The following TRAPPC9 variants were observed in gnomAD, a reference collection of about 807,000 sequenced individuals.
The protein encoded by TRAPPC9 is trafficking protein particle complex subunit 9, also known as IKK2 binding protein.
Under a neutral mutation model 124.0 loss-of-function variants are expected in TRAPPC9, and 83 were observed. The ratio of observed to expected loss-of-function variants is 0.67; its 90% CI spans 0.56 to 0.80. TRAPPC9 has a LOEUF of 0.80. TRAPPC9 is among the 30% of genes least tolerant of loss of function. TRAPPC9 has a pLI of 0.00. For missense variants in TRAPPC9, 1,302 were observed against 1,508.3 expected (o/e 0.86, Z 2.27); for synonymous variants, 638 against 617.5 (o/e 1.03, Z -0.49).
At chr8:139,957,408 T>C (rs565042709) in intron 19 of TRAPPC9, among the ~76,000 whole-genome samples, 9 of 152,252 alleles carry the variant, frequency 5.9e-5, no homozygotes, top group African/African-American at 1.7e-4. Context: ...AATGAAGGGA[T>C]GTTTGGCAGA....
rs146962786 is a variant in TRAPPC9 at position 140,061,058 on chromosome 8, C to T, written c.2557-36979G>A. On this transcript the variant is annotated intron_variant, in intron 17 of 22. Transcript: ENST00000438773. ...CACCTCCGATGATGATTCAGGCAGT[C>T]TGACATGGGGCCTGCACATTCTTTT... 4.6e-3 allele frequency among the ~76,000 whole-genome samples: 694 copies of T among 152,344 alleles called. 3 individuals carry two copies. The highest frequency in any genetic ancestry group is 0.016 in the African/African-American group (661 of 41,582).
intron 17 of TRAPPC9, among the ~76,000 whole-genome samples, chr8:140,080,931 C>T (rs550328363): frequency 1.4e-4 from 21 of 152,314 alleles, no homozygotes; most frequent in African/African-American, 4.1e-4. Flanking sequence ...CACTCTCTCC[C>T]GAGGTCCTCA....
At chr8:139,864,033 T>G (rs1364317172) in intron 21 of TRAPPC9, among the ~76,000 whole-genome samples, 1 of 152,144 alleles carries the variant, frequency 6.6e-6, no homozygotes, top group Non-Finnish European at 1.5e-5. Flanking sequence ...CCTGCCCTGC[T>G]AAGCACCCAA....
chr8:139,756,493 A>G (rs370726572), intron 21 of TRAPPC9, among the ~76,000 whole-genome samples: 1,162 of 33,146 alleles, frequency 0.035, no homozygotes, highest in East Asian at 0.041. Flanking sequence ...ACAGCAGGTC[A>G]CAGGAGGAGC....
At chr8:139,834,722 G>A (rs1362164707) in intron 21 of TRAPPC9, among the ~76,000 whole-genome samples, 18 of 152,252 alleles carry the variant, frequency 1.2e-4, no homozygotes, top group Non-Finnish European at 4.4e-5. Flanking sequence ...AGGCTGCAAA[G>A]CTCTTGGTAT....
chr8:140,221,959 T>C (rs751067789), intron 16 of TRAPPC9, among the ~76,000 whole-genome samples: 11 of 152,354 alleles, frequency 7.2e-5, no homozygotes, highest in Non-Finnish European at 1.5e-4. Context: ...CAGTTACAGC[T>C]GCCTGATGTG....
chr8:139,927,214 T>A (rs979351240), intron 19 of TRAPPC9, among the ~76,000 whole-genome samples: 4 of 152,004 alleles, frequency 2.6e-5, no homozygotes, highest in Non-Finnish European at 5.9e-5. Context: ...ACACTGCTGA[T>A]GGGAGCATGC....
chr8:140,114,662 A>G (rs1437411722), intron 17 of TRAPPC9, among the ~76,000 whole-genome samples: 2 of 152,202 alleles, frequency 1.3e-5, no homozygotes, highest in African/African-American at 2.4e-5. Context: ...AAGACAAAGA[A>G]GGAGGAAAGA....
chr8:140,026,364 C>G (rs1840150221), intron 17 of TRAPPC9, among the ~76,000 whole-genome samples: 1 of 152,188 alleles, frequency 6.6e-6, no homozygotes, highest in African/African-American at 2.4e-5. Context: ...AGTGGAATTT[C>G]TGAATCATAC....
intron 21 of TRAPPC9, among the ~76,000 whole-genome samples, chr8:139,763,790 G>C (rs968090285): frequency 1.3e-5 from 2 of 152,242 alleles, no homozygotes; most frequent in Non-Finnish European, 2.9e-5. Flanking sequence ...GGTCGAAGCT[G>C]TACAAGCTAA....
intron 17 of TRAPPC9, among the ~76,000 whole-genome samples, chr8:140,094,519 T>G (rs1370633480): frequency 4.6e-5 from 7 of 152,154 alleles, no homozygotes; most frequent in African/African-American, 1.7e-4. Flanking sequence ...TTGGCCACCC[T>G]GTTAGCCACA....
At chr8:140,108,541 G>A (rs1021002729) in intron 17 of TRAPPC9, among the ~76,000 whole-genome samples, 1 of 151,978 alleles carries the variant, frequency 6.6e-6, no homozygotes, top group South Asian at 2.1e-4. Flanking sequence ...GGCGCACCTG[G>A]CCCCGACATC....
chr8:139,840,937 C>T (rs1385372157), intron 21 of TRAPPC9, among the ~76,000 whole-genome samples: 1 of 152,106 alleles, frequency 6.6e-6, no homozygotes, highest in African/African-American at 2.4e-5. Flanking sequence ...GGATCTGATG[C>T]CTCGGGTCTG....
At position 140,252,056 on chromosome 8, in the gene TRAPPC9, A is replaced by C. The variant is rs921499240; in HGVS notation, c.2431+721T>G. Among the ~76,000 whole-genome samples the C allele has an allele frequency of 6.7e-6, 1 of 149,482 alleles. No homozygotes were observed. ...TTTTTTTTTTTTGAGATGGAGTCTC[A>C]CTGTGTTGCCCAGGCTGGAGTGCAG... On this transcript the variant is annotated intron_variant, in intron 16 of 22. Transcript: ENST00000438773. The surrounding 1 kb of genome is among the most constrained non-coding windows in gnomAD (Gnocchi z 4.2).
intron 21 of TRAPPC9, among the ~76,000 whole-genome samples, chr8:139,871,325 C>T (rs937328877): frequency 3.9e-5 from 6 of 152,186 alleles, no homozygotes; most frequent in Admixed American, 3.3e-4. Flanking sequence ...TAATAACCTG[C>T]TACTTGCCAC....
At chr8:139,784,644 T>TATATATATATAA (rs1218317207) in intron 21 of TRAPPC9, among the ~76,000 whole-genome samples, 1 of 131,812 alleles carries the variant, frequency 7.6e-6, no homozygotes, top group Non-Finnish European at 1.6e-5. Context: ...TATATATATA[T>TATATATATATAA]AAATCAACTG....
At chr8:140,173,122 T>C in intron 17 of TRAPPC9, among the ~76,000 whole-genome samples, 1 of 152,204 alleles carries the variant, frequency 6.6e-6, no homozygotes, top group Non-Finnish European at 1.5e-5. Flanking sequence ...GGTTTTATAC[T>C]GACGTATGCA....
intron 2 of TRAPPC9, among the ~76,000 whole-genome samples, chr8:140,443,993 G>A (rs148759950): frequency 0.043 from 5,567 of 128,368 alleles, 390 homozygotes; most frequent in African/African-American, 0.16. Context: ...CCAAGATCAC[G>A]CCACTGCACT....
At chr8:139,952,256 T>G (rs1200172374) in intron 19 of TRAPPC9, among the ~76,000 whole-genome samples, 1 of 152,188 alleles carries the variant, frequency 6.6e-6, no homozygotes, top group East Asian at 1.9e-4. Context: ...GTATCCAGAA[T>G]CCCATTTAAT....
Sources: gnomAD v4.1 joint callset for allele counts (sites outside exome capture counted in the v4.1 genomes callset) on GRCh38, gnomAD v4.1.1 for gene constraint, Gnocchi (gnomAD v3.1) non-coding constraint, MANE v1.5 for transcripts, NCBI Gene and HGNC (gene_info 2026-07-23, HGNC 2026-07-21) for gene names.